Variants in KMT5B observed in about 807,000 individuals in gnomAD.
KMT5B encodes the protein histone-lysine N-methyltransferase KMT5B.
Under a neutral mutation model 83.2 loss-of-function variants are expected in KMT5B, and 10 were observed. That is an observed-to-expected ratio of 0.12 (90% CI 0.07 to 0.20). The LOEUF (loss-of-function observed/expected upper bound fraction) is 0.20. KMT5B is among the 10% of genes least tolerant of loss of function. The probability of loss-of-function intolerance (pLI) is 1.00; values close to 1 mark genes in which losing one functional copy is unlikely to be tolerated. For missense variants in KMT5B, 753 were observed against 1,067.2 expected, an observed-to-expected ratio of 0.71 and a Z score of 4.10; for synonymous variants, 349 against 388.8, an observed-to-expected ratio of 0.90 and a Z score of 1.20.
Position 68,180,214 on chromosome 11 carries a change from AAAAC to A in KMT5B, c.309-18_309-15del, listed in dbSNP as rs746036844. 14 of 1,559,404 alleles carry A rather than the reference AAAAC, an allele frequency of 9.0e-6. No homozygotes were observed. Among genetic ancestry groups the A allele is most frequent in the Middle Eastern group, 1.7e-4 (1 of 6,008 alleles). On this transcript the variant is annotated splice_polypyrimidine_tract_variant and intron_variant, in intron 3 of 10. Transcript: ENST00000304363. Reference sequence around the variant, plus strand: ...GAAGGAAAGGCGCTATATAAATGCAAAAACAAACAACAAAAATAAAAAGCTATTT... The same window carrying A: ...GAAGGAAAGGCGCTATATAAATGCAAAAACAACAAAAATAAAAAGCTATTT...
intron 4 of KMT5B, chr11:68,179,367 A>G: frequency 9.2e-7 from 1 of 1,092,124 alleles, no homozygotes; most frequent in Admixed American, 2.7e-5. Flanking sequence ...CTCTTTTTAC[A>G]CTTCCAATCA....
At chr11:68,182,192 T>C (rs770761129) in intron 3 of KMT5B, among the ~76,000 whole-genome samples, 8 of 152,224 alleles carry the variant, frequency 5.3e-5, no homozygotes, top group Non-Finnish European at 1.0e-4. Context: ...TTTACATTTA[T>C]GACTACATAG....
rs1169089948 is a variant in KMT5B, at chr11:68,213,218, G to A, written c.-157C>T. The A allele has an allele frequency of 6.9e-6, 1 of 144,324 alleles. No individual in the cohort carries two copies. The highest frequency in any genetic ancestry group is 6.8e-5 in the Admixed American group (1 of 14,602). The allele number at this position is 144,324 out of a possible 1,614,324, so 8.9% of individuals were successfully genotyped here. On this transcript the variant is annotated 5_prime_UTR_variant, in exon 1 of 11. Coordinates refer to ENST00000304363, the MANE Select transcript of KMT5B (RefSeq NM_017635.5). ...GCTGCGATGCGGGGCCGCGCCGCCGGGCCCCGCGTCCCAGTCCCCCCCAGA... is the reference window on the plus strand; with the variant it reads ...GCTGCGATGCGGGGCCGCGCCGCCGAGCCCCGCGTCCCAGTCCCCCCCAGA...
At chr11:68,177,825 T>C (rs1397656217) in intron 4 of KMT5B, among the ~76,000 whole-genome samples, 1 of 152,210 alleles carries the variant, frequency 6.6e-6, no homozygotes, top group Non-Finnish European at 1.5e-5. Flanking sequence ...TAAAGAGCTG[T>C]AGAATTGGGA....
At chr11:68,197,142 T>C (rs978438260) in intron 1 of KMT5B, among the ~76,000 whole-genome samples, 2 of 152,046 alleles carry the variant, frequency 1.3e-5, no homozygotes, top group African/African-American at 4.8e-5. Context: ...GGCTAATTTT[T>C]TTTTGCTATT....
intron 1 of KMT5B, among the ~76,000 whole-genome samples, chr11:68,202,564 T>A (rs1008556402): frequency 6.6e-6 from 1 of 151,238 alleles, no homozygotes; most frequent in Non-Finnish European, 1.5e-5. Flanking sequence ...TTTTTTTTTT[T>A]TTGAGACAAA....
intron 9 of KMT5B, among the ~76,000 whole-genome samples, chr11:68,169,884 A>T (rs1304111628): frequency 6.6e-6 from 1 of 150,992 alleles, no homozygotes; most frequent in African/African-American, 2.5e-5. Flanking sequence ...AGAAAAAGAT[A>T]AATTTTATGT....
At chr11:68,193,800 CT>C (rs35179552) in intron 1 of KMT5B, among the ~76,000 whole-genome samples, 3,115 of 139,758 alleles carry the variant, frequency 0.022, 59 homozygotes, top group African/African-American at 0.055. Flanking sequence ...CAGCAGTATA[CT>C]TTTTTTTTTT....
intron 1 of KMT5B, among the ~76,000 whole-genome samples, chr11:68,204,479 G>A (rs1159794490): frequency 6.6e-6 from 1 of 152,200 alleles, no homozygotes; most frequent in Non-Finnish European, 1.5e-5. Flanking sequence ...GTGAGGGAAT[G>A]CTGCAGCCCA....
chr11:68,166,168 G>A, intron 10 of KMT5B: 1 of 1,360,134 alleles, frequency 7.4e-7, no homozygotes, highest in Non-Finnish European at 9.4e-7. Flanking sequence ...TGCTTTAGTG[G>A]CAACTACAGA....
Position 68,173,693 on chromosome 11 carries a change from T to C in KMT5B, c.653+111A>G, listed in dbSNP as rs1163264313. ...AAGGCAACGGCGATGCATTGGCTAC[T>C]TCAGGGTAAACTCTGGCTTCATTCC... On this transcript the variant is annotated intron_variant, in intron 6 of 10. Transcript: ENST00000304363. The C allele has an allele frequency of 4.8e-5, 35 of 733,772 alleles. 1 individual carries two copies. The Admixed American group carries it at 9.3e-4, about 19-fold the overall frequency. 45.5% of individuals were successfully genotyped at this position (733,772 alleles called of 1,614,324 possible).
intron 3 of KMT5B, among the ~76,000 whole-genome samples, chr11:68,182,743 T>A (rs1033253669): frequency 2.6e-5 from 4 of 151,396 alleles, no homozygotes; most frequent in Non-Finnish European, 2.9e-5. Flanking sequence ...TAATTTTTTT[T>A]TTTTTTTTTT....
intron 10 of KMT5B, among the ~76,000 whole-genome samples, chr11:68,163,279 G>C (rs1196469569): frequency 2.6e-5 from 4 of 152,320 alleles, no homozygotes; most frequent in Non-Finnish European, 4.4e-5. Context: ...GCCGTTGGAA[G>C]GGAAAGCGAT....
intron 3 of KMT5B, among the ~76,000 whole-genome samples, chr11:68,182,256 G>A (rs543955363): frequency 1.3e-5 from 2 of 152,088 alleles, no homozygotes; most frequent in Non-Finnish European, 2.9e-5. Context: ...CACTTAGCAC[G>A]TCACAATGAA....
Position 68,171,213 on chromosome 11 carries a change from A to C in KMT5B, c.840+19T>G. The C allele has an allele frequency of 6.2e-7, 1 of 1,602,614 alleles. No homozygotes were observed. Among genetic ancestry groups the C allele is most frequent in the Non-Finnish European group, 8.5e-7 (1 of 1,177,584 alleles). ...GAAGCAAAAACAAAATACTTGAAGA[A>C]AATTTTTTTAATGCTTACCTTACAA... On this transcript the variant is annotated intron_variant, in intron 8 of 10. Transcript: ENST00000304363. This position sits in a 1 kb window ranked among gnomAD's most constrained non-coding sequence, Gnocchi z 5.1.
chr11:68,198,107 T>C (rs912523316), intron 1 of KMT5B, among the ~76,000 whole-genome samples: 8 of 152,088 alleles, frequency 5.3e-5, no homozygotes, highest in African/African-American at 9.7e-5. Context: ...TAGTAGAGTA[T>C]AGACAAATAG....
At chr11:68,162,448 C>T (rs1056610860) in intron 10 of KMT5B, among the ~76,000 whole-genome samples, 3 of 152,166 alleles carry the variant, frequency 2.0e-5, no homozygotes, top group Admixed American at 6.5e-5. Context: ...AACTTCTCAT[C>T]CCCCTGTAAG....
intron 6 of KMT5B, among the ~76,000 whole-genome samples, chr11:68,172,192 G>A (rs895263695): frequency 1.3e-5 from 2 of 152,122 alleles, no homozygotes; most frequent in African/African-American, 2.4e-5. Context: ...GCCACATTGA[G>A]AAAGTTAAGT....
intron 1 of KMT5B, among the ~76,000 whole-genome samples, chr11:68,202,232 T>C (rs1859526531): frequency 6.6e-6 from 1 of 152,192 alleles, no homozygotes; most frequent in African/African-American, 2.4e-5. Flanking sequence ...GAGAATGACA[T>C]CACAAGCAAT....
Sources: allele counts gnomAD v4.1 joint callset (sites outside exome capture counted in the v4.1 genomes callset), GRCh38; gene constraint gnomAD v4.1.1; non-coding constraint Gnocchi (gnomAD v3.1); transcripts MANE v1.5; gene names NCBI Gene and HGNC (gene_info 2026-07-23, HGNC 2026-07-21).